NUMB: variants seen among roughly 807,000 people sequenced by gnomAD.
NUMB encodes NUMB endocytic adaptor protein.
A neutral mutation model predicts 59.7 loss-of-function variants in NUMB; 29 were observed. The ratio of observed to expected loss-of-function variants is 0.49; its 90% CI spans 0.36 to 0.66. The LOEUF is 0.66. Among genes scored for constraint, NUMB ranks in the 30% least tolerant of loss-of-function variants. The pLI is 0.00. For synonymous variants in NUMB, 288 were observed against 288.2 expected (o/e 1.00, Z 0.01); for missense variants, 723 against 822.0 (o/e 0.88, Z 1.47).
At chr14:73,287,487 C>T (rs918573462) in intron 8 of NUMB, among the ~76,000 whole-genome samples, 173 bp from the exon 9 acceptor site, 5 of 152,064 alleles carry the variant, frequency 3.3e-5, no homozygotes, top group Non-Finnish European at 7.3e-5. Flanking sequence ...AAATACTTCT[C>T]GTGCCTCAGC....
intron 1 of NUMB, among the ~76,000 whole-genome samples, chr14:73,440,696 T>C (rs1394992020): frequency 6.6e-6 from 1 of 151,524 alleles, no homozygotes; most frequent in African/African-American, 2.4e-5. Context: ...CCGGGTGTGG[T>C]GGCAGGTGCC....
At chr14:73,377,745 T>C (rs1289117150) in intron 2 of NUMB, among the ~76,000 whole-genome samples, 1 of 152,214 alleles carries the variant, frequency 6.6e-6, no homozygotes, top group African/African-American at 2.4e-5. Flanking sequence ...GGCGGGCAGA[T>C]CACCTGAGGT....
intron 2 of NUMB, among the ~76,000 whole-genome samples, chr14:73,372,302 C>CA (rs1894714457): frequency 3.3e-5 from 1 of 30,506 alleles, no homozygotes; most frequent in African/African-American, 1.7e-4. Context: ...ATATATATTT[C>CA]TTTTATATAT....
intron 6 of NUMB, among the ~76,000 whole-genome samples, chr14:73,314,444 C>CA (rs58012727): frequency 0.25 from 37,444 of 150,482 alleles, 5,447 homozygotes; most frequent in East Asian, 0.68. Context: ...CATCATGTAG[C>CA]AAAAAAAAAT....
intron 1 of NUMB, among the ~76,000 whole-genome samples, chr14:73,443,661 C>T (rs369171897): frequency 1.3e-5 from 2 of 151,212 alleles, no homozygotes; most frequent in African/African-American, 4.9e-5. Flanking sequence ...TTGATTCATT[C>T]ATTCATTGAG....
chr14:73,423,344 A>G (rs1008483436), intron 1 of NUMB, among the ~76,000 whole-genome samples: 4 of 151,932 alleles, frequency 2.6e-5, no homozygotes, highest in Admixed American at 6.6e-5. Context: ...TACTGAAAAA[A>G]AAAAAAAAAA....
At chr14:73,325,510 G>A (rs149203263) in intron 4 of NUMB, among the ~76,000 whole-genome samples, 123 of 152,254 alleles carry the variant, frequency 8.1e-4, no homozygotes, top group African/African-American at 2.7e-3. Flanking sequence ...AAATCCACCT[G>A]TAACTGCTAA....
rs140686297 is a variant in NUMB, at chr14:73,300,316, C to T, written c.235-3031G>A. Reference sequence around the variant, plus strand: ...ATGAAATGGAGGGATAAAGTGAGGCCGAGTAGAGATGAAGACAGATTTGTA... The same window carrying T: ...ATGAAATGGAGGGATAAAGTGAGGCTGAGTAGAGATGAAGACAGATTTGTA... On this transcript the variant is annotated intron_variant, in intron 6 of 12. Transcript: ENST00000555238. Among the ~76,000 whole-genome samples, 68 of 151,912 alleles carry T rather than the reference C, an allele frequency of 4.5e-4. No individual in the cohort carries two copies. The East Asian group carries it at 0.011, about 24-fold the overall frequency.
chr14:73,399,544 CAA>C (rs1323526504), intron 2 of NUMB, among the ~76,000 whole-genome samples: 3 of 150,532 alleles, frequency 2.0e-5, no homozygotes, highest in Non-Finnish European at 4.4e-5. Flanking sequence ...GCCTGGGCGA[CAA>C]GAGAGAAACT....
intron 2 of NUMB, among the ~76,000 whole-genome samples, chr14:73,401,925 A>G (rs1896437703): frequency 6.6e-6 from 1 of 152,084 alleles, no homozygotes; most frequent in African/African-American, 2.4e-5. Context: ...AGTGGGGTAC[A>G]ATCAGAGCTC....
intron 1 of NUMB, among the ~76,000 whole-genome samples, chr14:73,418,814 G>A (rs568255651): frequency 1.3e-5 from 2 of 150,624 alleles, no homozygotes; most frequent in African/African-American, 4.9e-5. Flanking sequence ...ACCACATAAG[G>A]AAAAAAAAAG....
rs1168287763 is a variant in NUMB, at chr14:73,295,059, C to CAAAA, written c.309+2148_309+2151dup. On this transcript the variant is annotated intron_variant, in intron 7 of 12. Coordinates refer to ENST00000555238, the MANE Select transcript of NUMB (RefSeq NM_001005743.2). ...TGGGTGACAGTATAAGGCACTGTCT[C>CAAAA]AAAAAAAAAAAAAAAAAAAAAAAGG... Among the ~76,000 whole-genome samples the CAAAA allele has an allele frequency of 1.7e-3, 116 of 67,150 alleles. 1 individual carries two copies. Among genetic ancestry groups the CAAAA allele is most frequent in the Admixed American group, 7.6e-3 (38 of 4,994 alleles). The allele number at this position is 67,150 out of a possible 152,430, so 44.1% of individuals were successfully genotyped here. A position where few individuals can be genotyped will look rare whatever the true frequency, so the allele number is the denominator to read the frequency against.
intron 4 of NUMB, among the ~76,000 whole-genome samples, chr14:73,329,688 C>T (rs1182376276): frequency 6.6e-6 from 1 of 152,184 alleles, no homozygotes; most frequent in Non-Finnish European, 1.5e-5. Context: ...ATAGCTTTCA[C>T]CCTTAATACA....
At chr14:73,435,854 A>C (rs1898030712) in intron 1 of NUMB, among the ~76,000 whole-genome samples, 1 of 151,986 alleles carries the variant, frequency 6.6e-6, no homozygotes, top group Non-Finnish European at 1.5e-5. Context: ...TAAAAACACA[A>C]AAATTAGCAG....
chr14:73,369,826 C>T (rs1894573899), intron 2 of NUMB, among the ~76,000 whole-genome samples: 1 of 152,120 alleles, frequency 6.6e-6, no homozygotes, highest in Non-Finnish European at 1.5e-5. Flanking sequence ...GAATCCAGAT[C>T]AAAAACAGAA....
In NUMB at chr14:73,282,487, T is replaced by C; in HGVS notation, c.968A>G (p.Glu323Gly). Residue 323 changes from glutamate (E) to glycine (G), a missense_variant, in exon 11 of 13, where the codon GAG becomes GGG. By Grantham distance (98) the Glu-to-Gly change is moderately conservative (BLOSUM62 -2). Around this residue, in one of 2 missense-constraint regions of NUMB, gnomAD observed 317 missense variants for 436.6 expected, o/e 0.73. Coordinates refer to ENST00000555238, the MANE Select transcript of NUMB (RefSeq NM_001005743.2). ...GCACAGGGAGCTGATGCTCTCTGCC[T>C]CCCCTTCTACTTCTGGCACTGCAAG... ...IKNAVPEVEG[E>G]AESISSLCSQ... 1 of 1,613,650 alleles carries C rather than the reference T, an allele frequency of 6.2e-7. No individual in the cohort carries two copies. The highest frequency in any genetic ancestry group is 8.5e-7 in the Non-Finnish European group (1 of 1,179,816).
At chr14:73,363,626 A>G (rs890881021) in intron 3 of NUMB, among the ~76,000 whole-genome samples, 1 of 152,132 alleles carries the variant, frequency 6.6e-6, no homozygotes, top group African/African-American at 2.4e-5. Flanking sequence ...TTATGGGCCA[A>G]TTTCACCTGT....
At chr14:73,400,684 G>T (rs1896369045) in intron 2 of NUMB, among the ~76,000 whole-genome samples, 1 of 152,160 alleles carries the variant, frequency 6.6e-6, no homozygotes, top group African/African-American at 2.4e-5. Flanking sequence ...GGAGCTGAAG[G>T]GTAAGCTGAT....
intron 4 of NUMB, among the ~76,000 whole-genome samples, chr14:73,337,096 G>A (rs1003201887): frequency 6.6e-6 from 1 of 151,414 alleles, no homozygotes; most frequent in Non-Finnish European, 1.5e-5. Flanking sequence ...GCCGGGCGTG[G>A]TGGTGCCTGC....
Sources: allele counts gnomAD v4.1 joint callset (sites outside exome capture counted in the v4.1 genomes callset), GRCh38; gene constraint gnomAD v4.1.1; regional missense constraint gnomAD v4.1.1; transcripts MANE v1.5; gene names NCBI Gene and HGNC (gene_info 2026-07-23, HGNC 2026-07-21).